Variants in SETD3 observed in about 807,000 individuals in gnomAD.
SETD3 encodes the protein actin-histidine N-methyltransferase.
In SETD3, 19 loss-of-function variants were observed where a neutral mutation model predicts 63.0. The observed-to-expected ratio is 0.30, with a 90% CI of 0.21 to 0.44. The LOEUF (loss-of-function observed/expected upper bound fraction) is 0.44, where lower values mean the gene tolerates loss of function less well. Among genes scored for constraint, SETD3 ranks in the 20% least tolerant of loss-of-function variants. SETD3 has a pLI of 1.00. For missense variants in SETD3, 587 were observed against 728.5 expected (o/e 0.81, Z 2.24); for synonymous variants, 286 against 264.1 (o/e 1.08, Z -0.80).
chr14:99,413,475 G>A (rs1270108), intron 7 of SETD3, among the ~76,000 whole-genome samples: 71,468 of 152,024 alleles, frequency 0.47, 17,115 homozygotes, highest in East Asian at 0.56. Context: ...GAAATCCTCT[G>A]TGAATTGTAA....
chr14:99,433,528 C>T (rs1187331460), intron 6 of SETD3, among the ~76,000 whole-genome samples: 2 of 151,918 alleles, frequency 1.3e-5, no homozygotes, highest in Non-Finnish European at 2.9e-5. Flanking sequence ...ACTGCTGCCT[C>T]CCAGGTTTAA....
chr14:99,428,851 C>A (rs975961439), intron 6 of SETD3, among the ~76,000 whole-genome samples: 1 of 152,096 alleles, frequency 6.6e-6, no homozygotes, highest in Admixed American at 6.5e-5. Flanking sequence ...GGAAGGCACC[C>A]TTCCCCAGTC....
rs1336665713 is a variant in SETD3, at chr14:99,470,488, TA to T, written c.-8-4676del. Among the ~76,000 whole-genome samples, 3 of 152,266 alleles carry T rather than the reference TA, an allele frequency of 2.0e-5. No homozygotes were observed. The South Asian group carries it at 6.2e-4, about 32-fold the overall frequency. ...GGGGGGCTGCCTATCCTTCTTCCAGTAAATGTATCTCCCTAGGGCACAGGAT... is the reference window on the plus strand; with the variant it reads ...GGGGGGCTGCCTATCCTTCTTCCAGTAATGTATCTCCCTAGGGCACAGGAT... On this transcript the variant is annotated intron_variant, in intron 1 of 12. Coordinates refer to ENST00000331768, the MANE Select transcript of SETD3 (RefSeq NM_032233.3).
chr14:99,404,215 A>C lies in SETD3; in HGVS notation c.1177+10T>G. 1 of 1,607,338 alleles carries C rather than the reference A, an allele frequency of 6.2e-7. No individual in the cohort carries two copies. Among genetic ancestry groups the C allele is most frequent in the Non-Finnish European group, 8.5e-7 (1 of 1,175,970 alleles). On this transcript the variant is annotated intron_variant, in intron 11 of 12. Coordinates refer to ENST00000331768, the MANE Select transcript of SETD3 (RefSeq NM_032233.3). Reference sequence around the variant, plus strand: ...AAAGTCAACATCTCTTTTTTCCTGAAATGACTTACCTTCAGTCATACAGAA... The same window carrying C: ...AAAGTCAACATCTCTTTTTTCCTGACATGACTTACCTTCAGTCATACAGAA...
In SETD3 at chr14:99,398,980, T is replaced by A. The variant is rs772615902; in HGVS notation, c.1484A>T (p.Glu495Val). Residue 495 changes from glutamate (E) to valine (V), a missense_variant, in exon 13 of 13, where the codon GAA becomes GTA. Glu to Val is a moderately radical substitution (Grantham distance 121, BLOSUM62 -2). Transcript: ENST00000331768. ...NREYYRQQME[E>V]KAPLPKYEES... ...TTCATATTTGGGAAGCGGAGCCTTT[T>A]CCTCCATCTGTTGGCGATAGTATTC... 1.2e-6 allele frequency: 2 copies of A among 1,614,226 alleles called. No individual in the cohort carries two copies. The highest frequency in any genetic ancestry group is 2.2e-5 in the South Asian group (2 of 91,082).
At chr14:99,426,901 C>G (rs892160432) in intron 6 of SETD3, among the ~76,000 whole-genome samples, 1 of 152,146 alleles carries the variant, frequency 6.6e-6, no homozygotes, top group Non-Finnish European at 1.5e-5. Flanking sequence ...GGGCAGAGGC[C>G]TTGCCTTTCA....
intron 6 of SETD3, among the ~76,000 whole-genome samples, chr14:99,450,764 G>C (rs1894412580): frequency 6.6e-6 from 1 of 152,204 alleles, no homozygotes; most frequent in African/African-American, 2.4e-5. Flanking sequence ...ATCCAAGTAA[G>C]GTGTGACAAA....
chr14:99,438,960 A>G (rs1893639511), intron 6 of SETD3, among the ~76,000 whole-genome samples: 1 of 152,262 alleles, frequency 6.6e-6, no homozygotes, highest in South Asian at 2.1e-4. Context: ...CTTAAAAAAC[A>G]TATTTATATT....
chr14:99,400,632 C>T (rs1891340007), intron 11 of SETD3, among the ~76,000 whole-genome samples: 1 of 152,146 alleles, frequency 6.6e-6, no homozygotes, highest in African/African-American at 2.4e-5. Flanking sequence ...AGCTCCATCA[C>T]ACCAAGTCAA....
chr14:99,468,997 C>T (rs747478840), intron 1 of SETD3, among the ~76,000 whole-genome samples: 3 of 152,196 alleles, frequency 2.0e-5, no homozygotes, highest in African/African-American at 7.2e-5. Flanking sequence ...GAAGCTTCTA[C>T]CCAGGTTTCC....
At chr14:99,399,448 T>G (rs201674640) in intron 12 of SETD3, among the ~76,000 whole-genome samples, 1 of 57,000 alleles carries the variant, frequency 1.8e-5, no homozygotes, top group African/African-American at 4.4e-5. Context: ...TGGGCACTGA[T>G]GTAGCCCCAG....
intron 6 of SETD3, among the ~76,000 whole-genome samples, chr14:99,419,754 G>A (rs1304110137): frequency 1.4e-5 from 2 of 145,438 alleles, no homozygotes; most frequent in South Asian, 2.2e-4. Context: ...CAGCCTGGGC[G>A]ACAGAGCGAG....
At chr14:99,454,197 C>CT (rs550679583) in intron 6 of SETD3, among the ~76,000 whole-genome samples, 36 of 145,936 alleles carry the variant, frequency 2.5e-4, no homozygotes, top group East Asian at 6.0e-4. Flanking sequence ...GGAGCAAATG[C>CT]TTTTTTTTTT....
chr14:99,459,066 T>A (rs1483479702), intron 5 of SETD3, 47 bp downstream of exon 5: 2 of 1,418,232 alleles, frequency 1.4e-6, no homozygotes, highest in South Asian at 2.5e-5. Flanking sequence ...ATTTTACATA[T>A]TTTTGTCATT....
chr14:99,433,653 G>A (rs1595195214), intron 6 of SETD3, among the ~76,000 whole-genome samples: 1 of 152,046 alleles, frequency 6.6e-6, no homozygotes, highest in Non-Finnish European at 1.5e-5. Flanking sequence ...TAGCCAGGAT[G>A]GTCTCGATCT....
intron 6 of SETD3, among the ~76,000 whole-genome samples, chr14:99,444,069 C>T (rs1893991524): frequency 6.6e-6 from 1 of 152,110 alleles, no homozygotes; most frequent in African/African-American, 2.4e-5. Context: ...ACCAATTTAA[C>T]CTGGCCAGGC....
intron 1 of SETD3, among the ~76,000 whole-genome samples, chr14:99,473,453 G>A (rs1030752084): frequency 6.6e-6 from 1 of 151,984 alleles, no homozygotes; most frequent in Non-Finnish European, 1.5e-5. Context: ...GAGTTCCCTC[G>A]AAAATGCTGC....
chr14:99,478,332 C>T (rs562091806), intron 1 of SETD3, among the ~76,000 whole-genome samples: 36 of 152,318 alleles, frequency 2.4e-4, no homozygotes, highest in Non-Finnish European at 4.9e-4. Context: ...GAAAGAAACA[C>T]ACTTGAAACT....
intron 6 of SETD3, among the ~76,000 whole-genome samples, chr14:99,440,918 T>G (rs1008940571): frequency 6.6e-6 from 1 of 151,954 alleles, no homozygotes; most frequent in Non-Finnish European, 1.5e-5. Flanking sequence ...AAGCTAAGGA[T>G]CTGATAAATT....
Sources: gnomAD v4.1 joint callset for allele counts (sites outside exome capture counted in the v4.1 genomes callset) on GRCh38, gnomAD v4.1.1 for gene constraint, MANE v1.5 for transcripts, NCBI Gene and HGNC (gene_info 2026-07-23, HGNC 2026-07-21) for gene names.